The following LPIN1 variants were observed in gnomAD, a reference collection of about 807,000 sequenced individuals.
The protein encoded by LPIN1 is lipin 1.
Under a neutral mutation model 107.5 loss-of-function variants are expected in LPIN1, and 71 were observed. That is an observed-to-expected ratio of 0.66 (90% confidence interval 0.55 to 0.80). LPIN1 has a LOEUF of 0.80. LPIN1 is among the 30% of genes least tolerant of loss of function. LPIN1 has a pLI of 0.00. For synonymous variants in LPIN1, 445 were observed against 452.6 expected (o/e 0.98, Z 0.21); for missense variants, 1,043 against 1,160.6 (o/e 0.90, Z 1.47).
chr2:11,812,820 C>T (rs1249961000), intron 17 of LPIN1, among the ~76,000 whole-genome samples: 2 of 152,070 alleles, frequency 1.3e-5, no homozygotes, highest in East Asian at 1.9e-4. Context: ...CACGTGGAGT[C>T]GGGATAGCAG....
At chr2:11,768,153 T>A (rs751356082) in intron 3 of LPIN1, among the ~76,000 whole-genome samples, 1 of 152,212 alleles carries the variant, frequency 6.6e-6, no homozygotes, top group Non-Finnish European at 1.5e-5. Context: ...GTGTATAGAT[T>A]ACATCGGTGT....
At chr2:11,813,548 A>T (rs1246009173) in intron 17 of LPIN1, among the ~76,000 whole-genome samples, 1 of 151,972 alleles carries the variant, frequency 6.6e-6, no homozygotes, top group East Asian at 1.9e-4. Flanking sequence ...TTTATAATAG[A>T]CTTTGAAACT....
chr2:11,775,114 A>T (rs931696571), intron 5 of LPIN1, among the ~76,000 whole-genome samples: 6 of 152,102 alleles, frequency 3.9e-5, no homozygotes, highest in Admixed American at 1.3e-4. Flanking sequence ...GTCTTTATAA[A>T]CTCCATTATG....
At chr2:11,766,399 G>A (rs1007539136) in intron 2 of LPIN1, among the ~76,000 whole-genome samples, 2 of 152,224 alleles carry the variant, frequency 1.3e-5, no homozygotes, top group Admixed American at 6.5e-5. Context: ...CTAGGTTGCT[G>A]CCTGCAGGGT....
At chr2:11,783,681 C>T in intron 8 of LPIN1, 148 bp from the exon 9 acceptor site, 1 of 767,880 alleles carries the variant, frequency 1.3e-6, no homozygotes. Flanking sequence ...CAAAATAGAA[C>T]ACACTTGGAA....
rs1222833484 is a variant in LPIN1, at chr2:11,784,934, G to T, written c.1407G>T (p.Arg469=). The change falls in exon 10 of 21, where the codon CGG becomes CGT. Residue 469 remains arginine, a synonymous_variant. Coordinates refer to ENST00000674199, the MANE Select transcript of LPIN1 (RefSeq NM_001349206.2). ...LAKHASDNGA[R]SANQSPQSVG... ...AACATGCAAGCGACAACGGAGCCCG[G>T]TCAGCCAACCAGTCCCCGCAGTCGG... 1 of 1,613,974 alleles carries T rather than the reference G, an allele frequency of 6.2e-7. No homozygotes were observed. The highest frequency in any genetic ancestry group is 2.2e-5 in the East Asian group (1 of 44,864).
At chr2:11,704,473 C>T (rs1165032846) in intron 1 of LPIN1, among the ~76,000 whole-genome samples, 5 of 152,128 alleles carry the variant, frequency 3.3e-5, no homozygotes, top group South Asian at 2.1e-4. Flanking sequence ...GGTAGCAGCC[C>T]GCACTGGAGG....
upstream of LPIN1, among the ~76,000 whole-genome samples, chr2:11,744,008 G>C (rs760714057): frequency 3.5e-4 from 53 of 152,234 alleles, no homozygotes; most frequent in Non-Finnish European, 2.2e-4. Flanking sequence ...AACTGTGACA[G>C]CAGCTTCCCA....
rs143473035 is a variant in LPIN1 at position 11,783,761 on chromosome 2, A to G, written c.1265-68A>G. 46 of 1,300,212 alleles carry G rather than the reference A, an allele frequency of 3.5e-5. No homozygotes were observed. The East Asian group carries it at 5.8e-4, about 16-fold the overall frequency. The allele number at this position is 1,300,212 out of a possible 1,614,324, so 80.5% of individuals were successfully genotyped here. ...CACATAGTGTTTAAATGCTGTTTCT[A>G]TAGATACAAGGCCATGAGCTCATTT... On this transcript the variant is annotated intron_variant, in intron 8 of 20. Transcript: ENST00000674199.
chr2:11,754,200 T>A (rs1180837251), intron 1 of LPIN1, among the ~76,000 whole-genome samples: 1 of 152,200 alleles, frequency 6.6e-6, no homozygotes. Flanking sequence ...AATTTCCTGC[T>A]GATAACAGGA....
Position 11,804,554 on chromosome 2 carries a change from T to C in LPIN1, c.2145T>C (p.Ile715=), listed in dbSNP as rs1678318585. ...ATGATAAAGTCATCATTTCTGATAT[T>C]GATGGGACAATTACCAGGTAGGTCC... ...NWDDKVIISD[I]DGTITRSDTL... is the part of the protein sequence containing the mutation. The change falls in exon 16 of 21, where the codon ATT becomes ATC. Residue 715 remains isoleucine, a synonymous_variant. Coordinates refer to ENST00000674199, the MANE Select transcript of LPIN1 (RefSeq NM_001349206.2). 1 of 1,614,070 alleles carries C rather than the reference T, an allele frequency of 6.2e-7. No homozygotes were observed. Among genetic ancestry groups the C allele is most frequent in the Non-Finnish European group, 8.5e-7 (1 of 1,180,040 alleles).
intron 3 of LPIN1, among the ~76,000 whole-genome samples, chr2:11,770,425 C>T (rs1384121114): frequency 6.6e-6 from 1 of 152,144 alleles, no homozygotes; most frequent in African/African-American, 2.4e-5. Context: ...CATTCCCTTC[C>T]AGCCCACGGA....
intron 1 of LPIN1, among the ~76,000 whole-genome samples, chr2:11,758,261 G>A (rs1345603897): frequency 2.7e-5 from 4 of 147,300 alleles, no homozygotes; most frequent in African/African-American, 9.9e-5. Context: ...CCTGCTTTCA[G>A]TTTTTTTTTT....
chr2:11,699,938 T>TAA (rs543512076), intron 1 of LPIN1, among the ~76,000 whole-genome samples: 4 of 149,084 alleles, frequency 2.7e-5, no homozygotes, highest in Non-Finnish European at 3.0e-5. Context: ...TTTCTTCAAT[T>TAA]AAAAAAAAAA....
At chr2:11,814,559 G>C (rs903645911) in intron 17 of LPIN1, among the ~76,000 whole-genome samples, 1 of 147,302 alleles carries the variant, frequency 6.8e-6, no homozygotes, top group African/African-American at 2.6e-5. Context: ...TGGTTGTTTT[G>C]GCTTGGCTTG....
In LPIN1 at chr2:11,804,404, A is replaced by G. The variant is rs778427429; in HGVS notation, c.2014-19A>G. 1.9e-6 allele frequency: 3 copies of G among 1,614,050 alleles called. No individual in the cohort carries two copies. The highest frequency in any genetic ancestry group is 1.1e-5 in the South Asian group (1 of 91,078). ...CCTTTCCCTCAAGCAGACAAATACT[A>G]ATGGTTCATGTTTTTCAGAAAAGCT... On this transcript the variant is annotated intron_variant, in intron 15 of 20. Transcript: ENST00000674199.
intron 15 of LPIN1, 148 bp from the exon 16 acceptor site, chr2:11,804,275 G>T: frequency 4.8e-6 from 4 of 840,514 alleles, no homozygotes; most frequent in Non-Finnish European, 7.7e-6. Context: ...GAACAAGGAA[G>T]GGTGGGGAAA....
chr2:11,767,929 G>GCAGAAGTTTGTGCAAAGTA (rs1671194312), intron 3 of LPIN1, 71 bp downstream of exon 3: 1 of 993,258 alleles, frequency 1.0e-6, no homozygotes, highest in Non-Finnish European at 1.6e-6. Context: ...TGGAAACACG[G>GCAGAAGTTTGTGCAAAGTA]CAGAAGTTTG....
intron 1 of LPIN1, chr2:11,677,875 A>G: frequency 1.5e-6 from 1 of 680,340 alleles, no homozygotes; most frequent in South Asian, 1.8e-5. Flanking sequence ...ACGCTTCCCC[A>G]GATAGGTGAC....
Sources: gnomAD v4.1 joint callset for allele counts (sites outside exome capture counted in the v4.1 genomes callset) on GRCh38, gnomAD v4.1.1 for gene constraint, MANE v1.5 for transcripts, NCBI Gene and HGNC (gene_info 2026-07-23, HGNC 2026-07-21) for gene names.